Variants in RASGEF1A observed in about 807,000 individuals in gnomAD.
RASGEF1A encodes the protein RasGEF domain family member 1A, also known as ras-GEF domain-containing family member 1A.
RASGEF1A carries 18 observed loss-of-function variants against 56.4 expected under a neutral mutation model. The ratio of observed to expected loss-of-function variants is 0.32; its 90% CI spans 0.22 to 0.47. The LOEUF is 0.47. Among genes scored for constraint, RASGEF1A ranks in the 20% least tolerant of loss-of-function variants. The probability of loss-of-function intolerance (pLI) is 1.00; values close to 1 mark genes in which losing one functional copy is unlikely to be tolerated. For missense variants in RASGEF1A, 422 were observed against 627.1 expected, an observed-to-expected ratio of 0.67 and a Z score of 3.49; for synonymous variants, 245 against 242.6, an observed-to-expected ratio of 1.01 and a Z score of -0.09.
At position 43,208,273 on chromosome 10, in the gene RASGEF1A, G is replaced by A. The variant is rs908750838; in HGVS notation, c.-6-2151C>T. On this transcript the variant is annotated intron_variant, in intron 1 of 12. Transcript: ENST00000395810. ...TGCCGAGCCACTGGCCTCTCCCACT[G>A]CAGGCTGCTCTGGTCAGGAGGTAGT... 3.0e-6 allele frequency: 3 copies of A among 985,410 alleles called. No homozygotes were observed. The East Asian group carries it at 3.4e-4, about 112-fold the overall frequency. The allele number at this position is 985,410 out of a possible 1,614,324, so 61.0% of individuals were successfully genotyped here.
intron 1 of RASGEF1A, among the ~76,000 whole-genome samples, chr10:43,234,152 G>T (rs1267326923): frequency 6.6e-6 from 1 of 152,224 alleles, no homozygotes; most frequent in African/African-American, 2.4e-5. Context: ...GTACACTGTG[G>T]CTCTGGCTCA....
chr10:43,222,573 TG>T, intron 1 of RASGEF1A, among the ~76,000 whole-genome samples: 1 of 152,352 alleles, frequency 6.6e-6, no homozygotes, highest in Non-Finnish European at 1.5e-5. Flanking sequence ...GTGCAGTGCC[TG>T]GGAGGACAGG....
chr10:43,248,525 A>G (rs1048405129), intron 1 of RASGEF1A, among the ~76,000 whole-genome samples: 37 of 152,212 alleles, frequency 2.4e-4, no homozygotes, highest in Non-Finnish European at 4.4e-5. Flanking sequence ...ACGATGACCA[A>G]CATCCCACTA....
chr10:43,207,641 G>A, intron 1 of RASGEF1A: 8 of 985,510 alleles, frequency 8.1e-6, no homozygotes, highest in Non-Finnish European at 7.2e-6. Context: ...CCCCACTCCA[G>A]GACAGGGAGG....
chr10:43,232,525 C>CA (rs1840384786), intron 1 of RASGEF1A, among the ~76,000 whole-genome samples: 1 of 135,084 alleles, frequency 7.4e-6, no homozygotes, highest in South Asian at 2.7e-4. Context: ...CTCCCTCTAT[C>CA]ACCCAGGCTG....
chr10:43,217,972 G>C (rs12784190), intron 1 of RASGEF1A, among the ~76,000 whole-genome samples: 11,071 of 152,246 alleles, frequency 0.073, 534 homozygotes, highest in Admixed American at 0.13. Flanking sequence ...GGCAGCTGCA[G>C]GCCCAGGCTG....
intron 1 of RASGEF1A, chr10:43,207,884 T>A (rs1472194548): frequency 2.1e-6 from 1 of 486,286 alleles, no homozygotes; most frequent in Non-Finnish European, 2.7e-6. Context: ...GGAACTCAAC[T>A]AAGGAAACCC....
chr10:43,229,133 A>G (rs774135558), intron 1 of RASGEF1A, among the ~76,000 whole-genome samples: 1 of 152,178 alleles, frequency 6.6e-6, no homozygotes, highest in Non-Finnish European at 1.5e-5. Context: ...TCGAAGCCCC[A>G]CGGTGGGCTC....
At chr10:43,215,672 A>G (rs1204648475) in intron 1 of RASGEF1A, among the ~76,000 whole-genome samples, 2 of 152,132 alleles carry the variant, frequency 1.3e-5, no homozygotes, top group Non-Finnish European at 2.9e-5. Context: ...ATTCATTCAC[A>G]AGTGGTAATG....
chr10:43,212,163 G>A (rs1840077532), intron 1 of RASGEF1A, among the ~76,000 whole-genome samples: 1 of 152,186 alleles, frequency 6.6e-6, no homozygotes, highest in African/African-American at 2.4e-5. Context: ...CAGAGGCACT[G>A]TTTTGAGACA....
intron 1 of RASGEF1A, among the ~76,000 whole-genome samples, chr10:43,211,307 C>T (rs1840065881): frequency 6.6e-6 from 1 of 152,142 alleles, no homozygotes; most frequent in African/African-American, 2.4e-5. Flanking sequence ...GGGCACCATT[C>T]GAGAAGGGGG....
chr10:43,220,383 C>A (rs1840192103), intron 1 of RASGEF1A, among the ~76,000 whole-genome samples: 1 of 152,132 alleles, frequency 6.6e-6, no homozygotes, highest in Admixed American at 6.5e-5. Context: ...ATCCCAGCTA[C>A]TCAGGAGGCT....
At chr10:43,259,852 G>A (rs1836494807) in intron 1 of RASGEF1A, among the ~76,000 whole-genome samples, 1 of 152,088 alleles carries the variant, frequency 6.6e-6, no homozygotes, top group East Asian at 1.9e-4. Context: ...AGGCACACAG[G>A]CAGGGGAAAC....
At chr10:43,236,788 G>A (rs1915145) in intron 1 of RASGEF1A, among the ~76,000 whole-genome samples, 104,714 of 152,156 alleles carry the variant, frequency 0.69, 36,212 homozygotes, top group East Asian at 0.83. Flanking sequence ...CCCCTCCCTC[G>A]GAGCCCTTCA....
At chr10:43,229,326 G>A (rs928871135) in intron 1 of RASGEF1A, among the ~76,000 whole-genome samples, 5 of 152,190 alleles carry the variant, frequency 3.3e-5, no homozygotes, top group African/African-American at 1.2e-4. Context: ...GCAACAGGTG[G>A]TTCTGCGCCC....
intron 1 of RASGEF1A, among the ~76,000 whole-genome samples, chr10:43,261,212 TCCA>T (rs1836522259): frequency 6.6e-6 from 1 of 152,148 alleles, no homozygotes; most frequent in Non-Finnish European, 1.5e-5. Context: ...ATCAGCCCTC[TCCA>T]CCACCACCAC....
chr10:43,259,213 T>C (rs748450289), intron 1 of RASGEF1A, among the ~76,000 whole-genome samples: 1 of 152,208 alleles, frequency 6.6e-6, no homozygotes, highest in Non-Finnish European at 1.5e-5. Context: ...TGCTGTGGGA[T>C]GCAGGAGCAG....
chr10:43,236,329 G>A (rs1840430190), intron 1 of RASGEF1A, among the ~76,000 whole-genome samples: 1 of 152,358 alleles, frequency 6.6e-6, no homozygotes. Flanking sequence ...GTGACCTTGT[G>A]TGCGCATGTA....
chr10:43,217,046 T>C (rs1840146463), intron 1 of RASGEF1A, among the ~76,000 whole-genome samples: 2 of 152,102 alleles, frequency 1.3e-5, no homozygotes, highest in Admixed American at 6.5e-5. Context: ...CCACCTGCAC[T>C]GAGAGGCATC....
Sources: allele counts gnomAD v4.1 joint callset (sites outside exome capture counted in the v4.1 genomes callset), GRCh38; gene constraint gnomAD v4.1.1; transcripts MANE v1.5; gene names NCBI Gene and HGNC (gene_info 2026-07-23, HGNC 2026-07-21).